GRID2: variants seen among roughly 807,000 people sequenced by gnomAD.
The protein encoded by GRID2 is glutamate ionotropic receptor delta type subunit 2.
Under a neutral mutation model 114.8 loss-of-function variants are expected in GRID2, and 33 were observed. The observed-to-expected ratio is 0.29, with a 90% confidence interval of 0.22 to 0.38. GRID2 has a LOEUF of 0.38. GRID2 is among the 10% of genes least tolerant of loss of function. The pLI, the probability that GRID2 is intolerant of heterozygous loss-of-function variation, is 1.00. For missense variants in GRID2, 1,184 were observed against 1,257.7 expected, an observed-to-expected ratio of 0.94 and a Z score of 0.89; for synonymous variants, 505 against 449.9, an observed-to-expected ratio of 1.12 and a Z score of -1.55.
At chr4:93,035,748 C>A (rs1724877021) in intron 2 of GRID2, among the ~76,000 whole-genome samples, 1 of 152,232 alleles carries the variant, frequency 6.6e-6, no homozygotes, top group East Asian at 1.9e-4. Context: ...CTTTACAGGG[C>A]AGATCACAAT....
chr4:92,327,510 C>G (rs912655151), intron 1 of GRID2, among the ~76,000 whole-genome samples: 1 of 151,872 alleles, frequency 6.6e-6, no homozygotes, highest in Admixed American at 6.6e-5. Flanking sequence ...TTCTTTCTAA[C>G]TGAGAGATAA....
At chr4:92,462,301 G>A (rs188565297) in intron 1 of GRID2, among the ~76,000 whole-genome samples, 37 of 152,090 alleles carry the variant, frequency 2.4e-4, no homozygotes, top group Admixed American at 7.9e-4. Flanking sequence ...ACCTTTAATT[G>A]TATGCTACTC....
intron 3 of GRID2, among the ~76,000 whole-genome samples, chr4:93,094,021 T>C (rs1272388427): frequency 6.6e-6 from 1 of 152,076 alleles, no homozygotes; most frequent in Non-Finnish European, 1.5e-5. Context: ...TCTTTCACTT[T>C]TTATTTTTTT....
intron 1 of GRID2, among the ~76,000 whole-genome samples, chr4:92,552,706 G>A (rs1017552618): frequency 1.3e-5 from 2 of 152,164 alleles, no homozygotes; most frequent in African/African-American, 4.8e-5. Context: ...CAAATAGGGA[G>A]TTGAAGTTTT....
intron 2 of GRID2, among the ~76,000 whole-genome samples, chr4:92,792,941 A>G (rs1014163531): frequency 3.3e-5 from 5 of 150,148 alleles, no homozygotes; most frequent in Non-Finnish European, 7.4e-5. Flanking sequence ...GCTTCTGGAC[A>G]TAAATAACTT....
At chr4:92,651,938 C>G (rs1731954151) in intron 2 of GRID2, among the ~76,000 whole-genome samples, 1 of 152,052 alleles carries the variant, frequency 6.6e-6, no homozygotes, top group Admixed American at 6.5e-5. Context: ...TAGAACACTC[C>G]CCATGAGGCT....
intron 10 of GRID2, among the ~76,000 whole-genome samples, chr4:93,444,453 CAG>C (rs1433240499): frequency 6.6e-6 from 1 of 151,716 alleles, no homozygotes; most frequent in African/African-American, 2.4e-5. Context: ...ATTGTGCTGT[CAG>C]AGAAAAAAAT....
At chr4:92,963,689 T>C (rs1228687536) in intron 2 of GRID2, among the ~76,000 whole-genome samples, 1 of 152,022 alleles carries the variant, frequency 6.6e-6, no homozygotes, top group East Asian at 1.9e-4. Context: ...ATGTTGATTA[T>C]GTTGATCACC....
intron 2 of GRID2, among the ~76,000 whole-genome samples, chr4:92,704,064 C>G (rs1348337242): frequency 6.6e-6 from 1 of 151,952 alleles, no homozygotes; most frequent in Non-Finnish European, 1.5e-5. Flanking sequence ...ATCACGAGGT[C>G]AGGAGATCGA....
chr4:93,225,053 G>A (rs1355505391), intron 7 of GRID2, among the ~76,000 whole-genome samples: 1 of 152,018 alleles, frequency 6.6e-6, no homozygotes, highest in Admixed American at 6.6e-5. Flanking sequence ...TACTGAAATT[G>A]TTTTGGTGCC....
chr4:93,533,780 T>A (rs1043876639), intron 13 of GRID2, among the ~76,000 whole-genome samples: 2 of 152,036 alleles, frequency 1.3e-5, no homozygotes, highest in African/African-American at 4.8e-5. Flanking sequence ...TTTCCTGGAT[T>A]ATTGCAATAG....
chr4:93,534,503 T>A (rs917184849), intron 13 of GRID2, among the ~76,000 whole-genome samples: 4 of 152,148 alleles, frequency 2.6e-5, no homozygotes, highest in Non-Finnish European at 5.9e-5. Flanking sequence ...TGCACTAGAA[T>A]GTAAACTTTA....
chr4:93,726,745 C>G (rs1420583524), intron 14 of GRID2, among the ~76,000 whole-genome samples: 1 of 152,074 alleles, frequency 6.6e-6, no homozygotes, highest in Non-Finnish European at 1.5e-5. Flanking sequence ...CTCTTTGAAG[C>G]AATTGTGAAT....
intron 2 of GRID2, among the ~76,000 whole-genome samples, chr4:92,892,423 C>A (rs1459958202): frequency 6.6e-6 from 1 of 151,596 alleles, no homozygotes; most frequent in Non-Finnish European, 1.5e-5. Context: ...GGAACTTTTT[C>A]TAGGGTAAAT....
At chr4:93,129,544 C>T (rs998766826) in intron 4 of GRID2, among the ~76,000 whole-genome samples, 5 of 152,106 alleles carry the variant, frequency 3.3e-5, no homozygotes, top group African/African-American at 9.7e-5. Flanking sequence ...TTCATCCTCA[C>T]ACTCTGCTGT....
intron 1 of GRID2, among the ~76,000 whole-genome samples, chr4:92,332,116 C>T (rs751236915): frequency 7.2e-5 from 11 of 152,136 alleles, no homozygotes; most frequent in Non-Finnish European, 1.3e-4. Flanking sequence ...TAGTACTTTT[C>T]TCAGTCCCTT....
chr4:92,480,928 C>A (rs1722556610), intron 1 of GRID2, among the ~76,000 whole-genome samples: 1 of 152,104 alleles, frequency 6.6e-6, no homozygotes, highest in Admixed American at 6.6e-5. Context: ...AGGAAGTTGT[C>A]AACTCTCTTG....
At chr4:92,727,078 T>C (rs1736102824) in intron 2 of GRID2, among the ~76,000 whole-genome samples, 1 of 152,052 alleles carries the variant, frequency 6.6e-6, no homozygotes, top group Non-Finnish European at 1.5e-5. Context: ...TAACATATCT[T>C]AGTTATCAAA....
intron 8 of GRID2, among the ~76,000 whole-genome samples, chr4:93,326,714 A>G (rs1219683530): frequency 1.3e-5 from 2 of 151,636 alleles, no homozygotes; most frequent in East Asian, 3.9e-4. Context: ...GATCCCAGCT[A>G]TTTTCTTCTG....
Sources: allele counts gnomAD v4.1 joint callset (sites outside exome capture counted in the v4.1 genomes callset), GRCh38; gene constraint gnomAD v4.1.1; transcripts MANE v1.5; gene names NCBI Gene and HGNC (gene_info 2026-07-23, HGNC 2026-07-21).